The following SHLD1 variants were observed in gnomAD, a reference collection of about 807,000 sequenced individuals.
SHLD1 encodes shieldin complex subunit 1, also known as RINN1-REV7-interacting novel NHEJ regulator 3.
A neutral mutation model predicts 5.5 loss-of-function variants in SHLD1; 3 were observed. That is an observed-to-expected ratio of 0.54 (90% CI 0.25 to 1.40). SHLD1 has a LOEUF of 1.40. SHLD1 is among the 40% of genes most tolerant of loss of function. The pLI, the probability that SHLD1 is intolerant of heterozygous loss-of-function variation, is 0.15. For synonymous variants in SHLD1, 92 were observed against 94.3 expected, an observed-to-expected ratio of 0.98 and a Z score of 0.14; for missense variants, 210 against 244.4, an observed-to-expected ratio of 0.86 and a Z score of 0.94.
intron 2 of SHLD1, among the ~76,000 whole-genome samples, chr20:5,781,210 A>T (rs2086985397): frequency 6.6e-6 from 1 of 152,144 alleles, no homozygotes; most frequent in South Asian, 2.1e-4. Context: ...TCCTAGTGAG[A>T]TATGGCAGAA....
chr20:5,772,537 A>G (rs1218273985), intron 1 of SHLD1, among the ~76,000 whole-genome samples: 1 of 152,172 alleles, frequency 6.6e-6, no homozygotes, highest in Admixed American at 6.5e-5. Context: ...GTTGGGTGAG[A>G]TCAACTGAAA....
In SHLD1 at chr20:5,771,449, G is replaced by T. The variant is rs141028599; in HGVS notation, c.-4-1413G>T. Among the ~76,000 whole-genome samples, 1,274 of 152,198 alleles carry T rather than the reference G, an allele frequency of 8.4e-3. 21 individuals carry two copies. The highest frequency in any genetic ancestry group is 0.029 in the African/African-American group (1,213 of 41,516). ...GTCCCTTACTTGCAGTAAATGGCTTGGTGTCACTTGTTTCAGGGGATCCTT... is the reference window on the plus strand; with the variant it reads ...GTCCCTTACTTGCAGTAAATGGCTTTGTGTCACTTGTTTCAGGGGATCCTT... On this transcript the variant is annotated intron_variant, in intron 1 of 2. Coordinates refer to ENST00000303142, the MANE Select transcript of SHLD1 (RefSeq NM_152504.4).
Position 5,844,797 on chromosome 20 carries a change from A to ATT in SHLD1, c.179-18226_179-18225insTT, listed in dbSNP as rs1332769444. 3.6e-3 allele frequency among the ~76,000 whole-genome samples: 346 copies of ATT among 95,156 alleles called. 2 individuals carry two copies. Among genetic ancestry groups the ATT allele is most frequent in the Middle Eastern group, 5.6e-3 (1 of 178 alleles). 62.4% of individuals were successfully genotyped at this position (95,156 alleles called of 152,430 possible). On this transcript the variant is annotated intron_variant, in intron 2 of 2. Coordinates refer to ENST00000303142, the MANE Select transcript of SHLD1 (RefSeq NM_152504.4). Reference sequence around the variant, plus strand: ...TATATATATATATATATATATATATATATTTTTTTTTTTTTGAGACACAGT... The same window carrying ATT: ...TATATATATATATATATATATATATATTTATTTTTTTTTTTTTGAGACACAGT...
intron 1 of SHLD1, among the ~76,000 whole-genome samples, chr20:5,753,400 C>T (rs1392551047): frequency 6.6e-6 from 1 of 152,088 alleles, no homozygotes; most frequent in African/African-American, 2.4e-5. Flanking sequence ...CCTCGGCCTT[C>T]CAAAGTGATA....
chr20:5,807,557 G>A (rs1397265248), intron 2 of SHLD1, among the ~76,000 whole-genome samples: 3 of 151,996 alleles, frequency 2.0e-5, no homozygotes, highest in African/African-American at 7.2e-5. Flanking sequence ...TTTTTTTGTA[G>A]AGTTGAGGTC....
At chr20:5,813,945 CTTT>C (rs143110037) in intron 2 of SHLD1, among the ~76,000 whole-genome samples, 7 of 79,968 alleles carry the variant, frequency 8.8e-5, no homozygotes, top group Non-Finnish European at 1.4e-4. Flanking sequence ...CCTTTTCTTT[CTTT>C]TTTTTTTTTT....
intron 2 of SHLD1, among the ~76,000 whole-genome samples, chr20:5,848,721 A>G (rs929295713): frequency 6.6e-6 from 1 of 152,224 alleles, no homozygotes; most frequent in African/African-American, 2.4e-5. Flanking sequence ...AAATCAGAAC[A>G]TTGGTCTTAT....
chr20:5,773,779 C>T (rs746042869), intron 2 of SHLD1, among the ~76,000 whole-genome samples: 7 of 152,078 alleles, frequency 4.6e-5, no homozygotes, highest in Non-Finnish European at 1.0e-4. Flanking sequence ...GCTCCAGAGT[C>T]GTCTACAAAA....
chr20:5,849,726 G>C (rs997588538), intron 2 of SHLD1, among the ~76,000 whole-genome samples: 2 of 151,984 alleles, frequency 1.3e-5, no homozygotes, highest in African/African-American at 4.8e-5. Context: ...TTGGGAGGCC[G>C]AGGCGGGTGG....
rs1453375857 is a variant in SHLD1 at position 5,863,122 on chromosome 20, G to A, written c.277G>A (p.Asp93Asn). ...AGGCCAGTCAGAGAAGGAAGAGGATGATGGCCTTCGGAAATCCCTGGATAG... is the reference window on the plus strand; with the variant it reads ...AGGCCAGTCAGAGAAGGAAGAGGATAATGGCCTTCGGAAATCCCTGGATAG... ...VKGQSEKEEDDGLRKSLDRFY... is the reference protein window; with the variant it reads ...VKGQSEKEEDNGLRKSLDRFY... The change falls in exon 3 of 3, where the codon GAT (aspartate) becomes AAT (asparagine). Residue 93 changes from aspartate (D) to asparagine (N), a missense_variant. Transcript: ENST00000303142. 8.7e-6 allele frequency: 14 copies of A among 1,614,096 alleles called. No individual in the cohort carries two copies. Among genetic ancestry groups the A allele is most frequent in the Non-Finnish European group, 1.2e-5 (14 of 1,180,042 alleles).
At chr20:5,801,316 T>A (rs1372518507) in intron 2 of SHLD1, among the ~76,000 whole-genome samples, 1 of 152,074 alleles carries the variant, frequency 6.6e-6, no homozygotes, top group Non-Finnish European at 1.5e-5. Flanking sequence ...CCTCAAGCGA[T>A]CCACCCACTT....
chr20:5,798,650 C>T (rs1313659861), intron 2 of SHLD1, among the ~76,000 whole-genome samples: 6 of 113,442 alleles, frequency 5.3e-5, no homozygotes, highest in Admixed American at 9.3e-5. Flanking sequence ...CGGAGTCTTA[C>T]TCTGTCGCCC....
chr20:5,847,233 T>C (rs1395275110), intron 2 of SHLD1, among the ~76,000 whole-genome samples: 6 of 152,232 alleles, frequency 3.9e-5, no homozygotes, highest in African/African-American at 1.2e-4. Context: ...GGTCTTGGTC[T>C]CAATTTTCTC....
At chr20:5,778,221 A>G (rs1476447331) in intron 2 of SHLD1, among the ~76,000 whole-genome samples, 1 of 142,782 alleles carries the variant, frequency 7.0e-6, no homozygotes, top group African/African-American at 2.6e-5. Flanking sequence ...GGTTCACGCC[A>G]TTCTCCTGCG....
chr20:5,814,755 C>T (rs1473108670), intron 2 of SHLD1, among the ~76,000 whole-genome samples: 3 of 150,868 alleles, frequency 2.0e-5, no homozygotes, highest in African/African-American at 2.4e-5. Flanking sequence ...CTCTGCCTCC[C>T]AGGCTCAAGT....
At chr20:5,781,500 C>T (rs2086988581) in intron 2 of SHLD1, among the ~76,000 whole-genome samples, 1 of 152,182 alleles carries the variant, frequency 6.6e-6, no homozygotes, top group East Asian at 1.9e-4. Context: ...TGTCTTTAGA[C>T]TGAGTCTCGC....
chr20:5,833,616 A>G (rs930309219), intron 2 of SHLD1, among the ~76,000 whole-genome samples: 2 of 150,400 alleles, frequency 1.3e-5, no homozygotes, highest in African/African-American at 4.9e-5. Context: ...GCCTGTAGGA[A>G]GAGAGAGAGA....
At chr20:5,800,167 C>A (rs1226680735) in intron 2 of SHLD1, among the ~76,000 whole-genome samples, 2 of 152,206 alleles carry the variant, frequency 1.3e-5, no homozygotes, top group African/African-American at 4.8e-5. Flanking sequence ...CCCTCTCCCA[C>A]AACAAAGAAT....
chr20:5,827,384 G>T (rs780338924), intron 2 of SHLD1, among the ~76,000 whole-genome samples: 47 of 152,242 alleles, frequency 3.1e-4, no homozygotes, highest in Non-Finnish European at 5.9e-4. Context: ...CATAGTCCAC[G>T]TAGTCCGCCT....
Sources: allele counts gnomAD v4.1 joint callset (sites outside exome capture counted in the v4.1 genomes callset), GRCh38; gene constraint gnomAD v4.1.1; transcripts MANE v1.5; gene names NCBI Gene and HGNC (gene_info 2026-07-23, HGNC 2026-07-21).